Variants in LRRC8C observed in about 807,000 individuals in gnomAD.
LRRC8C encodes the protein volume-regulated anion channel subunit LRRC8C.
In LRRC8C, 20 loss-of-function variants were observed where a neutral mutation model predicts 55.3. That is an observed-to-expected ratio of 0.36 (90% confidence interval 0.25 to 0.53). The LOEUF (loss-of-function observed/expected upper bound fraction) is 0.53, where lower values mean the gene tolerates loss of function less well. Among genes scored for constraint, LRRC8C ranks in the 20% least tolerant of loss-of-function variants. The pLI, the probability that LRRC8C is intolerant of heterozygous loss-of-function variation, is 0.92. For synonymous variants in LRRC8C, 376 were observed against 360.7 expected, an observed-to-expected ratio of 1.04 and a Z score of -0.48; for missense variants, 659 against 951.4, an observed-to-expected ratio of 0.69 and a Z score of 4.04.
intron 1 of LRRC8C, among the ~76,000 whole-genome samples, chr1:89,674,601 A>G (rs1470215320): frequency 6.6e-6 from 1 of 152,100 alleles, no homozygotes. Flanking sequence ...CTGAAGGGCC[A>G]TTTTTCCTGG....
intron 1 of LRRC8C, among the ~76,000 whole-genome samples, chr1:89,636,757 C>T (rs1438235560): frequency 1.3e-5 from 2 of 152,142 alleles, no homozygotes; most frequent in East Asian, 1.9e-4. Context: ...TCAGACAACA[C>T]GTACCCCTCC....
At chr1:89,693,592 G>C (rs551749720) in intron 2 of LRRC8C, among the ~76,000 whole-genome samples, 1 of 149,800 alleles carries the variant, frequency 6.7e-6, no homozygotes, top group East Asian at 2.0e-4. Flanking sequence ...AGAAGTGAAG[G>C]CTTAAAATCA....
At chr1:89,622,365 C>G in the LRRC8C span, among the ~76,000 whole-genome samples, 1 of 149,734 alleles carries the variant, frequency 6.7e-6, no homozygotes, top group Non-Finnish European at 1.5e-5. Context: ...TGGAGTCCCG[C>G]TCTGTCGCCC....
At chr1:89,644,181 A>G (rs1656548131) in intron 1 of LRRC8C, among the ~76,000 whole-genome samples, 2 of 152,152 alleles carry the variant, frequency 1.3e-5, no homozygotes, top group African/African-American at 4.8e-5. Flanking sequence ...TATTTAGTTT[A>G]TTTATTTAGT....
chr1:89,684,934 C>T (rs923686940), intron 1 of LRRC8C, among the ~76,000 whole-genome samples: 59 of 151,962 alleles, frequency 3.9e-4, no homozygotes, highest in African/African-American at 1.1e-3. Flanking sequence ...ATCGCCAGGC[C>T]GTTGAAATTT....
At chr1:89,674,554 C>T (rs1011235004) in intron 1 of LRRC8C, among the ~76,000 whole-genome samples, 1 of 152,166 alleles carries the variant, frequency 6.6e-6, no homozygotes, top group African/African-American at 2.4e-5. Flanking sequence ...ACCTAACATT[C>T]TGATTTTTAG....
chr1:89,681,965 C>G lies in LRRC8C; in HGVS notation c.-4-4505C>G, dbSNP rs142090705. 5.2e-4 allele frequency among the ~76,000 whole-genome samples: 79 copies of G among 152,264 alleles called. 1 individual carries two copies. Among genetic ancestry groups the G allele is most frequent in the African/African-American group, 1.5e-3 (61 of 41,554 alleles). ...GGCCGAGGTGAGCAGATCACGAGGTCAGGAGATCGAGACCATCCTGGCTAA... is the reference window on the plus strand; with the variant it reads ...GGCCGAGGTGAGCAGATCACGAGGTGAGGAGATCGAGACCATCCTGGCTAA... On this transcript the variant is annotated intron_variant, in intron 1 of 2. Transcript: ENST00000370454.
intron 1 of LRRC8C, among the ~76,000 whole-genome samples, chr1:89,649,374 T>C (rs933707567): frequency 5.3e-5 from 8 of 152,210 alleles, no homozygotes; most frequent in Non-Finnish European, 1.0e-4. Flanking sequence ...TAGTTAAATA[T>C]GGAAAGAGCT....
intron 1 of LRRC8C, among the ~76,000 whole-genome samples, chr1:89,680,549 C>CTTTTTTTTTTTTTTTTTTT (rs10593283): frequency 3.3e-5 from 3 of 91,882 alleles, no homozygotes; most frequent in Non-Finnish European, 5.7e-5. Flanking sequence ...TGCTTTCATG[C>CTTTTTTTTTTTTTTTTTTT]TTTTTTTTTT....
chr1:89,688,190 T>G (rs72961887), intron 2 of LRRC8C, among the ~76,000 whole-genome samples: 7,639 of 151,946 alleles, frequency 0.05, 633 homozygotes, highest in African/African-American at 0.17. Flanking sequence ...AAAATATCTT[T>G]CCCCCTCCCC....
chr1:89,667,794 C>G (rs1415661860), intron 1 of LRRC8C, among the ~76,000 whole-genome samples: 1 of 152,076 alleles, frequency 6.6e-6, no homozygotes, highest in African/African-American at 2.4e-5. Flanking sequence ...GCTGTCAACC[C>G]ATGGGTTAGA....
In LRRC8C at chr1:89,684,469, C is replaced by T. The variant is rs532636379; in HGVS notation, c.-4-2001C>T. 6.6e-5 allele frequency among the ~76,000 whole-genome samples: 10 copies of T among 152,262 alleles called. No homozygotes were observed. The East Asian group carries it at 1.3e-3, about 21-fold the overall frequency. On this transcript the variant is annotated intron_variant, in intron 1 of 2. Transcript: ENST00000370454. ...GAATTTATTCAACAGACAGTTGTTA[C>T]GAGCTTCTTGTTTTTCAGGCAGTAT...
chr1:89,680,549 C>CTTTTTTTTTTTTTTTT (rs10593283), intron 1 of LRRC8C, among the ~76,000 whole-genome samples: 2 of 91,870 alleles, frequency 2.2e-5, no homozygotes, highest in African/African-American at 4.4e-5. Flanking sequence ...TGCTTTCATG[C>CTTTTTTTTTTTTTTTT]TTTTTTTTTT....
In LRRC8C at chr1:89,718,775, A is replaced by G. The variant is rs1195645195; in HGVS notation, c.*3793A>G. Reference sequence around the variant, plus strand: ...AATTCTGAATGTGATAATGTGATTCAAACAGTCAAATTTTATTAAGCTCTT... The same window carrying G: ...AATTCTGAATGTGATAATGTGATTCGAACAGTCAAATTTTATTAAGCTCTT... On this transcript the variant is annotated 3_prime_UTR_variant, in exon 3 of 3. Coordinates refer to ENST00000370454, the MANE Select transcript of LRRC8C (RefSeq NM_032270.5). The G allele has an allele frequency of 6.6e-6, 1 of 152,230 alleles. No individual in the cohort carries two copies. Among genetic ancestry groups the G allele is most frequent in the African/African-American group, 2.4e-5 (1 of 41,452 alleles). The allele number at this position is 152,230 out of a possible 1,614,324, so 9.4% of individuals were successfully genotyped here.
chr1:89,685,264 G>T (rs1017948775), intron 1 of LRRC8C, among the ~76,000 whole-genome samples: 1 of 147,010 alleles, frequency 6.8e-6, no homozygotes, highest in Non-Finnish European at 1.5e-5. Context: ...GACTACAGGC[G>T]CCCGCCACCG....
Position 89,708,630 on chromosome 1 carries a change from T to TAGAACA in LRRC8C, c.139-4079_139-4078insAGAACA, listed in dbSNP as rs1658557946. ...AAGAAGAAGAAGCTGCCTGCCTTAT[T>TAGAACA]TTTTTTCTTATTTTTCTCTTTGAAA... On this transcript the variant is annotated intron_variant, in intron 2 of 2. Transcript: ENST00000370454. The TAGAACA allele has an allele frequency of 2.3e-3, 357 of 152,338 alleles. 4 individuals carry two copies. The highest frequency in any genetic ancestry group is 8.0e-3 in the African/African-American group (332 of 41,552). The allele number at this position is 152,338 out of a possible 1,614,324, so 9.4% of individuals were successfully genotyped here. A position where few individuals can be genotyped will look rare whatever the true frequency, so the allele number is the denominator to read the frequency against.
At chr1:89,677,562 A>G (rs1016957612) in intron 1 of LRRC8C, among the ~76,000 whole-genome samples, 1 of 152,184 alleles carries the variant, frequency 6.6e-6, no homozygotes, top group Admixed American at 6.5e-5. Context: ...GGTATTAGCA[A>G]AGAGCTCTAG....
chr1:89,661,680 A>G (rs1315845557), intron 1 of LRRC8C, among the ~76,000 whole-genome samples: 2 of 152,202 alleles, frequency 1.3e-5, no homozygotes, highest in African/African-American at 4.8e-5. Flanking sequence ...CCCTCCTGGG[A>G]CTTGCATTCA....
the LRRC8C span, among the ~76,000 whole-genome samples, chr1:89,623,956 A>G: frequency 9.8e-3 from 1,492 of 152,338 alleles, 22 homozygotes; most frequent in African/African-American, 0.034. Context: ...GGATGGTGGT[A>G]TAAGACGTGA....
Sources: gnomAD v4.1 joint callset for allele counts (sites outside exome capture counted in the v4.1 genomes callset) on GRCh38, gnomAD v4.1.1 for gene constraint, MANE v1.5 for transcripts, NCBI Gene and HGNC (gene_info 2026-07-23, HGNC 2026-07-21) for gene names.